The following LRRC4C variants were observed in gnomAD, a reference collection of about 807,000 sequenced individuals.
LRRC4C encodes leucine-rich repeat-containing protein 4C.
In LRRC4C, 5 loss-of-function variants were observed where a neutral mutation model predicts 33.6. That is an observed-to-expected ratio of 0.15 (90% CI 0.08 to 0.31). LRRC4C has a LOEUF of 0.31. Ranked by LOEUF, LRRC4C falls within the 10% of genes least tolerant of loss-of-function variation. The probability of loss-of-function intolerance (pLI) is 1.00; values close to 1 mark genes in which losing one functional copy is unlikely to be tolerated. For synonymous variants in LRRC4C, 329 were observed against 302.0 expected (o/e 1.09, Z -0.93); for missense variants, 560 against 796.7 (o/e 0.70, Z 3.58).
chr11:40,301,642 C>A (rs1046060935), intron 4 of LRRC4C, among the ~76,000 whole-genome samples: 1 of 151,982 alleles, frequency 6.6e-6, no homozygotes, highest in Non-Finnish European at 1.5e-5. Flanking sequence ...AAGGCATAGA[C>A]AGTGCAGATT....
chr11:40,949,163 C>T (rs1000815306), intron 1 of LRRC4C, among the ~76,000 whole-genome samples: 3 of 152,108 alleles, frequency 2.0e-5, no homozygotes, highest in African/African-American at 7.2e-5. Flanking sequence ...GCATAAATGT[C>T]TTCTTTTGAG....
At chr11:40,851,585 A>G (rs970923333) in intron 2 of LRRC4C, among the ~76,000 whole-genome samples, 1 of 152,070 alleles carries the variant, frequency 6.6e-6, no homozygotes. Flanking sequence ...CTATTTGGCC[A>G]TCTTGCTCAG....
At chr11:41,328,968 G>A (rs1951209252) in intron 1 of LRRC4C, among the ~76,000 whole-genome samples, 1 of 152,128 alleles carries the variant, frequency 6.6e-6, no homozygotes, top group Admixed American at 6.5e-5. Context: ...TGTGAATTGA[G>A]GTTTGCCTCC....
chr11:40,901,495 A>G (rs1462652032), intron 2 of LRRC4C, among the ~76,000 whole-genome samples: 2 of 152,116 alleles, frequency 1.3e-5, no homozygotes, highest in Non-Finnish European at 2.9e-5. Context: ...GAAAGTAAAA[A>G]TGCATAATTA....
At chr11:40,217,176 G>A (rs1035718562) in intron 5 of LRRC4C, among the ~76,000 whole-genome samples, 21 of 152,080 alleles carry the variant, frequency 1.4e-4, no homozygotes, top group Non-Finnish European at 1.0e-4. Flanking sequence ...GCGTTAATAT[G>A]TATAGAGTGC....
intron 2 of LRRC4C, among the ~76,000 whole-genome samples, chr11:40,697,072 T>C (rs1945601641): frequency 6.6e-6 from 1 of 152,060 alleles, no homozygotes; most frequent in South Asian, 2.1e-4. Context: ...TTTTCATTAA[T>C]CCGACATTTG....
At chr11:41,242,933 G>A (rs966580684) in intron 1 of LRRC4C, among the ~76,000 whole-genome samples, 9 of 152,134 alleles carry the variant, frequency 5.9e-5, no homozygotes, top group African/African-American at 2.2e-4. Context: ...AATTAACTTG[G>A]TTTTTCTTAA....
chr11:40,420,072 T>C (rs1950469180), intron 3 of LRRC4C, among the ~76,000 whole-genome samples: 1 of 152,192 alleles, frequency 6.6e-6, no homozygotes. Flanking sequence ...CTAGCAAATA[T>C]TATGAATAGA....
At chr11:41,096,542 C>T (rs1940820876) in intron 1 of LRRC4C, among the ~76,000 whole-genome samples, 1 of 152,100 alleles carries the variant, frequency 6.6e-6, no homozygotes, top group South Asian at 2.1e-4. Context: ...GATCATTCAT[C>T]TCATTGGCAG....
chr11:40,191,104 A>G (rs190411042), intron 5 of LRRC4C, among the ~76,000 whole-genome samples: 122 of 152,328 alleles, frequency 8.0e-4, no homozygotes, highest in Middle Eastern at 3.4e-3. Context: ...CAATCAACCC[A>G]GTATTTAATT....
At chr11:40,988,713 C>CTTTTTTTTTT (rs869034558) in intron 1 of LRRC4C, among the ~76,000 whole-genome samples, 23 of 57,724 alleles carry the variant, frequency 4.0e-4, no homozygotes, top group South Asian at 8.1e-4. Flanking sequence ...CTTTTCTTTT[C>CTTTTTTTTTT]TTTTTTTTTT....
At chr11:40,134,237 C>A (rs79419167) in intron 6 of LRRC4C, among the ~76,000 whole-genome samples, 5,706 of 152,118 alleles carry the variant, frequency 0.038, 260 homozygotes, top group African/African-American at 0.099. Flanking sequence ...AAACAATAAT[C>A]ATCATCATCA....
intron 3 of LRRC4C, among the ~76,000 whole-genome samples, chr11:40,478,481 A>T (rs1953365481): frequency 6.6e-6 from 1 of 152,126 alleles, no homozygotes. Flanking sequence ...TTTTTAGGGT[A>T]TGGTATGGCC....
intron 2 of LRRC4C, among the ~76,000 whole-genome samples, chr11:40,762,303 T>C (rs1949253635): frequency 6.6e-6 from 1 of 152,298 alleles, no homozygotes; most frequent in Non-Finnish European, 1.5e-5. Flanking sequence ...CTAACTGTAG[T>C]TTAGTCACTT....
chr11:40,336,495 T>G (rs1946609674), intron 3 of LRRC4C, among the ~76,000 whole-genome samples: 1 of 152,138 alleles, frequency 6.6e-6, no homozygotes, highest in African/African-American at 2.4e-5. Context: ...ATCCCCAGCC[T>G]CATCTCACTG....
chr11:41,441,813 A>AG (rs1955628773), intron 1 of LRRC4C, among the ~76,000 whole-genome samples: 1 of 152,158 alleles, frequency 6.6e-6, no homozygotes, highest in African/African-American at 2.4e-5. Flanking sequence ...CTGTTAAATG[A>AG]GAAAAATGAA....
chr11:40,162,763 AC>A (rs1318405462), intron 5 of LRRC4C, among the ~76,000 whole-genome samples: 3 of 152,196 alleles, frequency 2.0e-5, no homozygotes, highest in Non-Finnish European at 4.4e-5. Flanking sequence ...AGGTTTAATA[AC>A]TCAGTCAAAG....
chr11:41,211,472 C>T (rs1439097834), intron 1 of LRRC4C, among the ~76,000 whole-genome samples: 3 of 152,042 alleles, frequency 2.0e-5, no homozygotes, highest in Non-Finnish European at 4.4e-5. Flanking sequence ...AATGCTATCC[C>T]TCCCCCTGCC....
intron 3 of LRRC4C, among the ~76,000 whole-genome samples, chr11:40,391,636 C>T (rs527407142): frequency 3.9e-5 from 6 of 152,202 alleles, no homozygotes; most frequent in South Asian, 4.2e-4. Context: ...ACAGTATTTC[C>T]GCTGCAAGCC....
Sources: allele counts gnomAD v4.1 joint callset (sites outside exome capture counted in the v4.1 genomes callset), GRCh38; gene constraint gnomAD v4.1.1; transcripts MANE v1.5; gene names NCBI Gene and HGNC (gene_info 2026-07-23, HGNC 2026-07-21).